Variants in SNX29 observed in about 807,000 individuals in gnomAD.
SNX29 encodes sorting nexin 29, also known as sorting nexin-29.
Under a neutral mutation model 102.1 loss-of-function variants are expected in SNX29, and 78 were observed. The observed-to-expected ratio is 0.76, with a 90% CI of 0.64 to 0.92. The LOEUF is 0.92. Among genes scored for constraint, SNX29 ranks in the 40% least tolerant of loss-of-function variants. The probability of loss-of-function intolerance (pLI) is 0.00; values close to 1 mark genes in which losing one functional copy is unlikely to be tolerated. For missense variants in SNX29, 1,280 were observed against 1,061.7 expected (o/e 1.21, Z -2.86); for synonymous variants, 580 against 414.5 (o/e 1.40, Z -4.85).
intron 15 of SNX29, among the ~76,000 whole-genome samples, chr16:12,316,299 G>T (rs2080734781): frequency 1.3e-5 from 2 of 152,128 alleles, no homozygotes; most frequent in South Asian, 4.1e-4. Flanking sequence ...AGGGTGGGTG[G>T]ATCACAAGGC....
chr16:12,040,245 G>A (rs1194573227), intron 4 of SNX29, among the ~76,000 whole-genome samples: 1 of 152,088 alleles, frequency 6.6e-6, no homozygotes, highest in Non-Finnish European at 1.5e-5. Context: ...TGGGCATGGG[G>A]GTGCGTGCCT....
At chr16:12,326,493 G>A (rs755043495) in intron 15 of SNX29, among the ~76,000 whole-genome samples, 4 of 152,060 alleles carry the variant, frequency 2.6e-5, no homozygotes, top group Non-Finnish European at 4.4e-5. Context: ...ATGGCCATGT[G>A]GTCTCTGTCA....
At chr16:12,356,647 A>G (rs887838858) in intron 16 of SNX29, among the ~76,000 whole-genome samples, 1 of 152,170 alleles carries the variant, frequency 6.6e-6, no homozygotes, top group African/African-American at 2.4e-5. Context: ...TGTTGTATGT[A>G]TCTGTTTGCC....
At chr16:12,067,863 T>C (rs2051106631) in intron 9 of SNX29, among the ~76,000 whole-genome samples, 1 of 152,206 alleles carries the variant, frequency 6.6e-6, no homozygotes, top group Non-Finnish European at 1.5e-5. Flanking sequence ...CCAAGGCTTA[T>C]GGATTTGCAT....
intron 13 of SNX29, among the ~76,000 whole-genome samples, chr16:12,150,781 T>C (rs2055266109): frequency 6.6e-6 from 1 of 152,218 alleles, no homozygotes; most frequent in Non-Finnish European, 1.5e-5. Flanking sequence ...TTGGGTTCAT[T>C]TGTGCAGATT....
At chr16:12,233,936 G>A (rs963346663) in intron 14 of SNX29, among the ~76,000 whole-genome samples, 3 of 152,104 alleles carry the variant, frequency 2.0e-5, no homozygotes, top group African/African-American at 7.2e-5. Context: ...TATCAGGATG[G>A]CATTCTCTTT....
At chr16:12,025,234 G>A (rs2057154663) in intron 3 of SNX29, among the ~76,000 whole-genome samples, 1 of 145,852 alleles carries the variant, frequency 6.9e-6, no homozygotes, top group Admixed American at 7.0e-5. Flanking sequence ...CCTGGGAGGT[G>A]GACGTTGCAG....
At chr16:12,180,613 A>G (rs8045522) in intron 13 of SNX29, among the ~76,000 whole-genome samples, 3 of 151,964 alleles carry the variant, frequency 2.0e-5, no homozygotes, top group African/African-American at 7.3e-5. Flanking sequence ...CCTCCCGAGT[A>G]GCTGGGACTA....
intron 11 of SNX29, among the ~76,000 whole-genome samples, chr16:12,112,591 C>T (rs1018412322): frequency 7.2e-5 from 11 of 152,192 alleles, no homozygotes; most frequent in African/African-American, 1.4e-4. Flanking sequence ...ATGCCGAAGA[C>T]GACAGCAGCC....
Position 12,013,500 on chromosome 16 carries a change from AATATATATATATATATATATATATAT to A in SNX29, c.122+10474_122+10499del, listed in dbSNP as rs66491414. On this transcript the variant is annotated intron_variant, in intron 3 of 20. Coordinates refer to ENST00000566228, the MANE Select transcript of SNX29 (RefSeq NM_032167.5). ...GTCTCTACTGGGGGAAAAAAAAAAA[AATATATATATATATATATATATATAT>A]ATATATATATATATATCGAGAGAGG... Among the ~76,000 whole-genome samples, 25 of 31,634 alleles carry A rather than the reference AATATATATATATATATATATATATAT, an allele frequency of 7.9e-4. 1 individual carries two copies. The highest frequency in any genetic ancestry group is 1.1e-3 in the Non-Finnish European group (18 of 16,270). The allele number at this position is 31,634 out of a possible 152,430, so 20.8% of individuals were successfully genotyped here.
chr16:12,537,503 A>C (rs2077128963), intron 20 of SNX29, among the ~76,000 whole-genome samples: 1 of 152,178 alleles, frequency 6.6e-6, no homozygotes, highest in Non-Finnish European at 1.5e-5. Context: ...CAGAGATTTC[A>C]CAGGCTTGTT....
intron 19 of SNX29, among the ~76,000 whole-genome samples, chr16:12,488,264 A>AC (rs1156949872): frequency 1.3e-5 from 2 of 148,872 alleles, no homozygotes; most frequent in African/African-American, 4.9e-5. Flanking sequence ...AATTGAAGAG[A>AC]CTCCTCTTGG....
At chr16:12,426,103 A>ATT (rs2085068902) in intron 18 of SNX29, among the ~76,000 whole-genome samples, 1 of 151,608 alleles carries the variant, frequency 6.6e-6, no homozygotes, top group African/African-American at 2.4e-5. Flanking sequence ...TTTTAAAAAG[A>ATT]TACAGTACTG....
At chr16:12,557,015 A>ACACCCCACCCC (rs66825746) in intron 20 of SNX29, among the ~76,000 whole-genome samples, 1 of 31,812 alleles carries the variant, frequency 3.1e-5, no homozygotes, top group Admixed American at 2.8e-4. Context: ...TGGCTAATTT[A>ACACCCCACCCC]CCCCCCCCCC....
intron 18 of SNX29, among the ~76,000 whole-genome samples, chr16:12,456,779 G>A (rs1186818945): frequency 6.6e-6 from 1 of 152,188 alleles, no homozygotes; most frequent in Non-Finnish European, 1.5e-5. Flanking sequence ...GGGAGAGGAT[G>A]CATTGGGATT....
intron 14 of SNX29, among the ~76,000 whole-genome samples, chr16:12,256,601 A>G (rs1223841799): frequency 6.6e-6 from 1 of 152,178 alleles, no homozygotes; most frequent in Non-Finnish European, 1.5e-5. Flanking sequence ...TGTTGGGATT[A>G]CAGGTGTGAG....
intron 1 of SNX29, among the ~76,000 whole-genome samples, chr16:11,978,872 CCAAGAT>C (rs1419986611): frequency 6.6e-6 from 1 of 151,820 alleles, no homozygotes; most frequent in Non-Finnish European, 1.5e-5. Flanking sequence ...TTGCAGTGAG[CCAAGAT>C]CAAGCCACTG....
At chr16:11,999,235 C>A in intron 1 of SNX29, 62 bp from the exon 2 acceptor site, 1 of 1,485,078 alleles carries the variant, frequency 6.7e-7, no homozygotes, top group Non-Finnish European at 9.4e-7. Flanking sequence ...AAGGACTGAT[C>A]TAGTTGGGGA....
chr16:12,326,361 G>A (rs888119422), intron 15 of SNX29, among the ~76,000 whole-genome samples: 28 of 150,806 alleles, frequency 1.9e-4, no homozygotes, highest in African/African-American at 6.6e-4. Flanking sequence ...AGGTGTGAGG[G>A]GCAGTCAGGT....
Sources: allele counts gnomAD v4.1 joint callset (sites outside exome capture counted in the v4.1 genomes callset), GRCh38; gene constraint gnomAD v4.1.1; transcripts MANE v1.5; gene names NCBI Gene and HGNC (gene_info 2026-07-23, HGNC 2026-07-21).